The following AMOTL1 variants were observed in gnomAD, a reference collection of about 807,000 sequenced individuals.
The protein encoded by AMOTL1 is angiomotin-like protein 1.
Under a neutral mutation model 102.9 loss-of-function variants are expected in AMOTL1, and 45 were observed. The ratio of observed to expected loss-of-function variants is 0.44; its 90% CI spans 0.34 to 0.56. AMOTL1 has a LOEUF of 0.56. AMOTL1 is among the 20% of genes least tolerant of loss of function. AMOTL1 has a pLI of 0.01. For missense variants in AMOTL1, 1,114 were observed against 1,225.6 expected (o/e 0.91, Z 1.36); for synonymous variants, 481 against 484.7 (o/e 0.99, Z 0.10).
intron 3 of AMOTL1, among the ~76,000 whole-genome samples, chr11:94,811,711 A>C (rs1951686024): frequency 6.6e-6 from 1 of 152,176 alleles, no homozygotes; most frequent in Non-Finnish European, 1.5e-5. Context: ...CAACAACAAC[A>C]AAACAGTTAT....
At chr11:94,826,937 T>A (rs942431530) in intron 4 of AMOTL1, among the ~76,000 whole-genome samples, 2 of 152,178 alleles carry the variant, frequency 1.3e-5, no homozygotes, top group African/African-American at 4.8e-5. Context: ...GTCTTGATTG[T>A]TTTAGGATTT....
In AMOTL1 at chr11:94,850,233, G is replaced by T; in HGVS notation, c.1768G>T (p.Ala590Ser). Residue 590 changes from alanine to serine, a missense_variant, in exon 7 of 13, where the codon GCC becomes TCC. Ala to Ser is a moderately conservative substitution (Grantham distance 99). Coordinates refer to ENST00000433060, the MANE Select transcript of AMOTL1 (RefSeq NM_130847.3). ...ILDQALSNAQ[A>S]RVIKLEEELR... is the part of the protein sequence containing the mutation. ...GGACCAGGCTTTGAGCAACGCCCAG[G>T]CCAGGGTCATCAAGCTGGAAGAGGA... The T allele has an allele frequency of 6.3e-7, 1 of 1,595,738 alleles. No homozygotes were observed. Among genetic ancestry groups the T allele is most frequent in the African/African-American group, 1.3e-5 (1 of 74,754 alleles).
At chr11:94,866,520 C>T in intron 11 of AMOTL1, 1 of 259,840 alleles carries the variant, frequency 3.8e-6, no homozygotes, top group Non-Finnish European at 7.5e-6. Flanking sequence ...TATGACGGCT[C>T]CACCTCTGCT....
In AMOTL1 at chr11:94,786,359, C is replaced by T. The variant is rs547808642; in HGVS notation, c.50-8652C>T. Among the ~76,000 whole-genome samples the T allele has an allele frequency of 3.3e-5, 5 of 152,192 alleles. No individual in the cohort carries two copies. In the East Asian group the frequency reaches 7.7e-4, roughly 24 times the overall value. ...GTGAGAGGTGGGACTGGGAATATTC[C>T]TTTTTTTATTTACCGCAAGTGAGAA... On this transcript the variant is annotated intron_variant, in intron 1 of 12. Coordinates refer to ENST00000433060, the MANE Select transcript of AMOTL1 (RefSeq NM_130847.3).
intron 1 of AMOTL1, among the ~76,000 whole-genome samples, chr11:94,782,837 G>A (rs1017772872): frequency 2.0e-5 from 3 of 152,098 alleles, no homozygotes; most frequent in African/African-American, 4.8e-5. Context: ...GAATCCAGCT[G>A]TCTTATATTA....
intron 12 of AMOTL1, 99 bp from the exon 13 acceptor site, chr11:94,870,590 G>T: frequency 1.3e-6 from 1 of 774,296 alleles, no homozygotes; most frequent in Non-Finnish European, 2.0e-6. Flanking sequence ...AGAATCCTGG[G>T]TGTGCAGTGG....
chr11:94,738,899 C>T (rs1054708849), intron 2 of AMOTL1, among the ~76,000 whole-genome samples: 5 of 151,928 alleles, frequency 3.3e-5, no homozygotes, highest in Non-Finnish European at 7.4e-5. Context: ...TGCATGGTGT[C>T]GCTATGACAG....
chr11:94,834,546 C>T (rs907243462), intron 6 of AMOTL1, among the ~76,000 whole-genome samples: 2 of 151,794 alleles, frequency 1.3e-5, no homozygotes, highest in South Asian at 2.1e-4. Flanking sequence ...GAGCTGAGAT[C>T]GCGCCACTGC....
At chr11:94,851,126 C>A (rs778502189) in intron 7 of AMOTL1, among the ~76,000 whole-genome samples, 8 of 152,082 alleles carry the variant, frequency 5.3e-5, no homozygotes, top group Non-Finnish European at 7.4e-5. Context: ...CATAAGGCTC[C>A]GGGGCAACAG....
intron 4 of AMOTL1, among the ~76,000 whole-genome samples, chr11:94,825,168 C>T (rs1319077065): frequency 1.3e-5 from 2 of 152,148 alleles, no homozygotes; most frequent in African/African-American, 2.4e-5. Context: ...AGACTGTGGG[C>T]TGTTGAGTGG....
chr11:94,803,831 A>G (rs1353488677), intron 3 of AMOTL1, among the ~76,000 whole-genome samples: 1 of 152,238 alleles, frequency 6.6e-6, no homozygotes, highest in African/African-American at 2.4e-5. Context: ...TGGGAACTAG[A>G]GATGCTAAAA....
intron 3 of AMOTL1, among the ~76,000 whole-genome samples, chr11:94,817,056 A>G (rs1423046829): frequency 2.6e-5 from 4 of 152,226 alleles, no homozygotes; most frequent in Admixed American, 2.6e-4. Flanking sequence ...TAAAGATTAT[A>G]AAAAGATTTA....
upstream of AMOTL1, among the ~76,000 whole-genome samples, chr11:94,766,729 G>C (rs916818648): frequency 2.0e-5 from 3 of 152,194 alleles, no homozygotes; most frequent in African/African-American, 7.2e-5. Context: ...GGCAGAGGTT[G>C]TTTCTATACC....
intron 1 of AMOTL1, among the ~76,000 whole-genome samples, chr11:94,717,156 A>G (rs1374691709): frequency 5.3e-5 from 8 of 151,762 alleles, no homozygotes; most frequent in African/African-American, 1.5e-4. Context: ...TAGCCAGTCA[A>G]CTTTTCTTTT....
intron 3 of AMOTL1, among the ~76,000 whole-genome samples, chr11:94,750,717 A>T (rs1378577564): frequency 6.6e-6 from 1 of 152,188 alleles, no homozygotes; most frequent in Admixed American, 6.5e-5. Context: ...ACTTTTTCTC[A>T]GGATGATTGA....
In AMOTL1 at chr11:94,799,783, C is replaced by T. The variant is rs550520892; in HGVS notation, c.593C>T (p.Ser198Leu). ...LPTYEEAKAQ[S>L]QFFRGQQQQQ... ...ACTTACGAGGAGGCCAAAGCACAGT[C>T]GCAGTTCTTCAGGGGGCAGCAGCAG... Residue 198 changes from serine to leucine, a missense_variant, in exon 3 of 13, where the codon TCG (serine) becomes TTG (leucine). Physicochemically the swap from Ser to Leu is moderately radical, Grantham distance 145 (BLOSUM62 -2). Transcript: ENST00000433060. This position sits in a 1 kb window ranked among gnomAD's most constrained non-coding sequence, Gnocchi z 4.5. The T allele has an allele frequency of 1.9e-6, 3 of 1,604,104 alleles. No homozygotes were observed. The highest frequency in any genetic ancestry group is 1.3e-5 in the African/African-American group (1 of 74,828).
chr11:94,867,007 T>C (rs1402618429), intron 11 of AMOTL1, among the ~76,000 whole-genome samples: 2 of 152,130 alleles, frequency 1.3e-5, no homozygotes, highest in African/African-American at 4.8e-5. Context: ...TCCCCTGCAC[T>C]CTGGCCTCTC....
At chr11:94,846,294 G>A (rs1952409740) in intron 6 of AMOTL1, among the ~76,000 whole-genome samples, 1 of 152,192 alleles carries the variant, frequency 6.6e-6, no homozygotes, top group South Asian at 2.1e-4. Flanking sequence ...CAGATCAAGT[G>A]CAGAATGCTA....
intron 1 of AMOTL1, among the ~76,000 whole-genome samples, chr11:94,790,148 C>G (rs899372541): frequency 1.3e-5 from 2 of 152,156 alleles, no homozygotes; most frequent in African/African-American, 4.8e-5. Context: ...TTCTTTAACT[C>G]TTACTTGGTA....
Sources: gnomAD v4.1 joint callset for allele counts (sites outside exome capture counted in the v4.1 genomes callset) on GRCh38, gnomAD v4.1.1 for gene constraint, Gnocchi (gnomAD v3.1) non-coding constraint, MANE v1.5 for transcripts, NCBI Gene and HGNC (gene_info 2026-07-23, HGNC 2026-07-21) for gene names.